REV3L: variants seen among roughly 807,000 people sequenced by gnomAD.
REV3L encodes the protein DNA polymerase zeta catalytic subunit.
A neutral mutation model predicts 299.4 loss-of-function variants in REV3L; 69 were observed. That is an observed-to-expected ratio of 0.23 (90% CI 0.19 to 0.28). REV3L has a LOEUF of 0.28. Ranked by LOEUF, REV3L falls within the 10% of genes least tolerant of loss-of-function variation. The probability of loss-of-function intolerance (pLI) is 1.00; values close to 1 mark genes in which losing one functional copy is unlikely to be tolerated. For missense variants in REV3L, 3,128 were observed against 3,693.8 expected (o/e 0.85, Z 3.97); for synonymous variants, 1,238 against 1,271.4 (o/e 0.97, Z 0.56).
intron 9 of REV3L, among the ~76,000 whole-genome samples, chr6:111,384,454 C>T (rs956376636): frequency 1.3e-5 from 2 of 152,132 alleles, no homozygotes; most frequent in African/African-American, 2.4e-5. Flanking sequence ...ACAGACATTT[C>T]TCAAAAGAAG....
rs144497761 is a variant in REV3L at position 111,338,312 on chromosome 6, C to CTTTTT, written c.7539-2707_7539-2703dup. 1.3e-3 allele frequency among the ~76,000 whole-genome samples: 60 copies of CTTTTT among 47,912 alleles called. 3 individuals are homozygous for CTTTTT. The highest frequency in any genetic ancestry group is 8.9e-3 in the Middle Eastern group (1 of 112). 31.4% of individuals were successfully genotyped at this position (47,912 alleles called of 152,430 possible). A position where few individuals can be genotyped will look rare whatever the true frequency, so the allele number is the denominator to read the frequency against. ...TCTTTGTTTACTCCAGTCTAAAGTC[C>CTTTTT]TTTTTTTTTTTTTTTTTTTTTTTTT... On this transcript the variant is annotated intron_variant, in intron 21 of 31. Transcript: ENST00000368802.
intron 1 of REV3L, among the ~76,000 whole-genome samples, chr6:111,426,085 C>A (rs979474669): frequency 7.2e-5 from 11 of 152,118 alleles, no homozygotes; most frequent in African/African-American, 2.7e-4. Flanking sequence ...TCAGGTAGGG[C>A]AGAAGTGCAG....
rs889579716 is a variant in REV3L at position 111,380,234 on chromosome 6, C to T, written c.1217-15G>A. The T allele has an allele frequency of 2.0e-6, 3 of 1,498,120 alleles. No homozygotes were observed. The South Asian group carries it at 3.6e-5, about 18-fold the overall frequency. The allele number at this position is 1,498,120 out of a possible 1,614,324, so 92.8% of individuals were successfully genotyped here. A position where few individuals can be genotyped will look rare whatever the true frequency, so the allele number is the denominator to read the frequency against. ...ACTACTGTCCACTATAAAACAAGTA[C>T]AATAATCACCAACAAATAAGTTTTC... On this transcript the variant is annotated splice_polypyrimidine_tract_variant and intron_variant, in intron 10 of 31. Coordinates refer to ENST00000368802, the MANE Select transcript of REV3L (RefSeq NM_001372078.1).
intron 12 of REV3L, among the ~76,000 whole-genome samples, chr6:111,377,151 A>G (rs1582758521): frequency 6.6e-6 from 1 of 152,186 alleles, no homozygotes; most frequent in East Asian, 1.9e-4. Flanking sequence ...GCTTGAATTC[A>G]GTGGTCAACA....
chr6:111,332,298 C>T (rs1383890302), intron 23 of REV3L, among the ~76,000 whole-genome samples: 1 of 152,126 alleles, frequency 6.6e-6, no homozygotes, highest in African/African-American at 2.4e-5. Flanking sequence ...GTCTCGATCT[C>T]CTAACCTCAT....
At chr6:111,358,265 A>G (rs1427756763) in intron 17 of REV3L, among the ~76,000 whole-genome samples, 1 of 152,214 alleles carries the variant, frequency 6.6e-6, no homozygotes, top group African/African-American at 2.4e-5. Context: ...TTATAGTGGT[A>G]AGATAAACCC....
intron 23 of REV3L, among the ~76,000 whole-genome samples, chr6:111,332,599 C>T (rs545934563): frequency 9.9e-5 from 15 of 152,008 alleles, no homozygotes; most frequent in South Asian, 2.1e-4. Flanking sequence ...ACGCAAAAAT[C>T]AATAAAAAGG....
intron 21 of REV3L, among the ~76,000 whole-genome samples, chr6:111,341,089 T>C (rs1582593660): frequency 7.1e-6 from 1 of 140,836 alleles, no homozygotes; most frequent in African/African-American, 2.6e-5. Flanking sequence ...CAGACTGGAG[T>C]GGAGCGCAGT....
At chr6:111,404,648 G>T (rs940244378) in intron 4 of REV3L, among the ~76,000 whole-genome samples, 3 of 152,096 alleles carry the variant, frequency 2.0e-5, no homozygotes, top group Non-Finnish European at 2.9e-5. Flanking sequence ...TAAAAAATCT[G>T]GGATCTCCTA....
chr6:111,309,489 G>A (rs1035775290), intron 30 of REV3L: 2 of 159,622 alleles, frequency 1.3e-5, no homozygotes, highest in African/African-American at 4.8e-5. Flanking sequence ...AGCTGCTTGG[G>A]TCTTCCACCG....
chr6:111,315,641 T>C (rs1773439222), intron 26 of REV3L: 2 of 424,400 alleles, frequency 4.7e-6, no homozygotes, highest in Non-Finnish European at 8.6e-6. Flanking sequence ...GTCAAGAAAG[T>C]CCTGGATCAT....
At position 111,373,590 on chromosome 6, in the gene REV3L, T is replaced by C. The variant is rs890016111; in HGVS notation, c.4765A>G (p.Thr1589Ala). 1 of 1,614,144 alleles carries C rather than the reference T, an allele frequency of 6.2e-7. No individual in the cohort carries two copies. Among genetic ancestry groups the C allele is most frequent in the Non-Finnish European group, 8.5e-7 (1 of 1,180,000 alleles). Residue 1589 changes from threonine to alanine, a missense_variant, in exon 13 of 32, where the codon ACA (threonine) becomes GCA (alanine). Transcript: ENST00000368802. ...TTGGGGATTTTTTCTTTTTGTTTTGTACTTCTGGGAGTTCGAGGTTTTCTT... is the reference window on the plus strand; with the variant it reads ...TTGGGGATTTTTTCTTTTTGTTTTGCACTTCTGGGAGTTCGAGGTTTTCTT... ...SPRKPRTPRSTKQKEKIPKLL... is the reference protein window; with the variant it reads ...SPRKPRTPRSAKQKEKIPKLL...
At chr6:111,348,737 C>T (rs564716468) in intron 20 of REV3L, among the ~76,000 whole-genome samples, 6 of 152,208 alleles carry the variant, frequency 3.9e-5, no homozygotes, top group African/African-American at 1.4e-4. Flanking sequence ...GCAACCTCGG[C>T]TGCCTGAGCT....
chr6:111,414,231 C>G (rs191511529), intron 2 of REV3L, among the ~76,000 whole-genome samples: 88 of 152,062 alleles, frequency 5.8e-4, no homozygotes, highest in Middle Eastern at 3.4e-3. Context: ...CCTTATTTTA[C>G]GTGGGATAGT....
chr6:111,310,953 G>T, intron 29 of REV3L, 116 bp downstream of exon 29: 1 of 672,334 alleles, frequency 1.5e-6, no homozygotes, highest in Non-Finnish European at 2.3e-6. Context: ...GGCTTCATGT[G>T]CGCAGGTAAA....
At chr6:111,354,369 C>T (rs1488629724) in intron 18 of REV3L, among the ~76,000 whole-genome samples, 4 of 152,010 alleles carry the variant, frequency 2.6e-5, no homozygotes, top group Admixed American at 6.6e-5. Context: ...AAAATAACTT[C>T]GTCTCAGATA....
At position 111,311,202 on chromosome 6, in the gene REV3L, GTTTAA is replaced by G; in HGVS notation, c.8657_8661del (p.Ile2886ThrfsTer33). 1 of 1,613,360 alleles carries G rather than the reference GTTTAA, an allele frequency of 6.2e-7. No homozygotes were observed. The highest frequency in any genetic ancestry group is 8.5e-7 in the Non-Finnish European group (1 of 1,179,616). ...TTCATACATTGTCGCTGAACATACT[GTTTAA>G]TTAGACTTATATCTCTCGTTTCAAA... On this transcript the variant is annotated frameshift_variant, in exon 29 of 32. Transcript: ENST00000368802. LOFTEE classifies it high-confidence loss of function.
At chr6:111,439,235 A>T (rs1228848556) in intron 1 of REV3L, among the ~76,000 whole-genome samples, 2 of 152,188 alleles carry the variant, frequency 1.3e-5, no homozygotes, top group African/African-American at 4.8e-5. Context: ...ACAAAAAGCA[A>T]ATTTGAGCGA....
chr6:111,478,514 A>C (rs1343755859), intron 1 of REV3L, among the ~76,000 whole-genome samples: 3 of 152,142 alleles, frequency 2.0e-5, no homozygotes, highest in Non-Finnish European at 4.4e-5. Context: ...TAAATAGCTT[A>C]GTAAAAAACA....
Sources: gnomAD v4.1 joint callset for allele counts (sites outside exome capture counted in the v4.1 genomes callset) on GRCh38, gnomAD v4.1.1 for gene constraint, MANE v1.5 for transcripts, NCBI Gene and HGNC (gene_info 2026-07-23, HGNC 2026-07-21) for gene names.